Variants in PCDHGA8 observed in about 807,000 individuals in gnomAD.
PCDHGA8 encodes the protein protocadherin gamma subfamily A, 8.
In PCDHGA8, 45 loss-of-function variants were observed where a neutral mutation model predicts 59.2. The ratio of observed to expected loss-of-function variants is 0.76; its 90% CI spans 0.60 to 0.98. PCDHGA8 has a LOEUF of 0.98. Ranked by LOEUF, PCDHGA8 falls within the 50% of genes least tolerant of loss-of-function variation. PCDHGA8 has a pLI of 0.00. For missense variants in PCDHGA8, 1,257 were observed against 1,196.2 expected, an observed-to-expected ratio of 1.05 and a Z score of -0.75; for synonymous variants, 531 against 519.0, an observed-to-expected ratio of 1.02 and a Z score of -0.32.
intron 1 of PCDHGA8, among the ~76,000 whole-genome samples, chr5:141,447,744 T>G (rs1020767891): frequency 3.4e-4 from 51 of 152,206 alleles, no homozygotes; most frequent in African/African-American, 1.2e-3. Context: ...CTTAAGAGTC[T>G]TGCATGTGAC....
At position 141,487,270 on chromosome 5, in the gene PCDHGA8, A is replaced by T. The variant is rs777469322; in HGVS notation, c.2425-7537A>T. 6.2e-7 allele frequency: 1 copy of T among 1,614,046 alleles called. No homozygotes were observed. Among genetic ancestry groups the T allele is most frequent in the South Asian group, 1.1e-5 (1 of 91,076 alleles). On this transcript the variant is annotated intron_variant, in intron 1 of 3. Transcript: ENST00000398604. The surrounding 1 kb of genome is among the most constrained non-coding windows in gnomAD (Gnocchi z 5.0). ...TCTACTTGGCTGTGTCCCTAGTGGC[A>T]ATTTGCTTTGTCTCCTTTGGCTCAT... is the stretch of plus-strand genomic sequence containing the variant.
In PCDHGA8 at chr5:141,422,884, G is replaced by C. The variant is rs202035589; in HGVS notation, c.2424+27647G>C. On this transcript the variant is annotated intron_variant, in intron 1 of 3. Transcript: ENST00000398604. ...CAGCAACGTGTCGCTGAGCCTGTTC[G>C]TGCTGGACCAGAACGACAATGCGCC... The C allele has an allele frequency of 1.7e-4, 278 of 1,614,240 alleles. No homozygotes were observed. The African/African-American group carries it at 2.0e-3, about 12-fold the overall frequency.
Position 141,490,089 on chromosome 5 carries a change from C to G in PCDHGA8, c.2425-4718C>G. On this transcript the variant is annotated intron_variant, in intron 1 of 3. Transcript: ENST00000398604. This position sits in a 1 kb window ranked among gnomAD's most constrained non-coding sequence, Gnocchi z 5.4. ...GCCAACTAGACTATTCTTTTGGAGACCACACATCTGAGGCAGTGCGGAACC... is the reference window on the plus strand; with the variant it reads ...GCCAACTAGACTATTCTTTTGGAGAGCACACATCTGAGGCAGTGCGGAACC... 1 of 1,614,232 alleles carries G rather than the reference C, an allele frequency of 6.2e-7. No homozygotes were observed. The highest frequency in any genetic ancestry group is 8.5e-7 in the Non-Finnish European group (1 of 1,180,026).
Position 141,490,644 on chromosome 5 carries a change from T to G in PCDHGA8, c.2425-4163T>G, listed in dbSNP as rs772742713. 1 of 1,614,188 alleles carries G rather than the reference T, an allele frequency of 6.2e-7. No individual in the cohort carries two copies. Among genetic ancestry groups the G allele is most frequent in the Non-Finnish European group, 8.5e-7 (1 of 1,180,016 alleles). The stretch of plus-strand genomic sequence containing the variant: ...CTGCTTACATCCTAGAAAACCGGCC[T>G]CCGGGCTCCCTTCTTTGCACTGTGG... On this transcript the variant is annotated intron_variant, in intron 1 of 3. Transcript: ENST00000398604. The surrounding 1 kb of genome is among the most constrained non-coding windows in gnomAD (Gnocchi z 5.4).
chr5:141,429,169 TACACACACACACACACACAC>T (rs10667977), intron 1 of PCDHGA8: 4 of 145,394 alleles, frequency 2.8e-5, no homozygotes, highest in Non-Finnish European at 6.0e-5. Flanking sequence ...ACATTGTTTA[TACACACACACACACACACAC>T]ACACACACAC....
intron 1 of PCDHGA8, among the ~76,000 whole-genome samples, chr5:141,492,593 A>T (rs907659087): frequency 1.3e-5 from 2 of 152,100 alleles, no homozygotes; most frequent in African/African-American, 4.8e-5. Context: ...GGAGCGCTGG[A>T]GCGACTGCCG....
intron 3 of PCDHGA8, among the ~76,000 whole-genome samples, chr5:141,509,766 G>A (rs1176830940): frequency 6.6e-6 from 1 of 152,104 alleles, no homozygotes; most frequent in Non-Finnish European, 1.5e-5. Flanking sequence ...TCCCTGAGAT[G>A]TCTAGTCCCC....
intron 1 of PCDHGA8, among the ~76,000 whole-genome samples, chr5:141,453,322 G>A (rs897661534): frequency 6.6e-6 from 1 of 151,544 alleles, no homozygotes; most frequent in Non-Finnish European, 1.5e-5. Flanking sequence ...TTTTAGAGAT[G>A]GGGTCTCACT....
rs987773604 is a variant in PCDHGA8 at position 141,409,588 on chromosome 5, C to G, written c.2424+14351C>G. 5.6e-6 allele frequency: 9 copies of G among 1,613,760 alleles called. 1 individual carries two copies. The highest frequency in any genetic ancestry group is 7.6e-6 in the Non-Finnish European group (9 of 1,179,892). On this transcript the variant is annotated intron_variant, in intron 1 of 3. Transcript: ENST00000398604. ...AGACGTCCTACGTGGTCCACGTGGC[C>G]GAGAACAACCCGCCAGGAGCCTCCA...
At chr5:141,480,414 C>CA (rs10712552) in intron 1 of PCDHGA8, among the ~76,000 whole-genome samples, 44 of 147,474 alleles carry the variant, frequency 3.0e-4, no homozygotes, top group Non-Finnish European at 4.4e-4. Context: ...GACCCTGTCT[C>CA]AAAAAAAAAA....
intron 1 of PCDHGA8, chr5:141,423,740 G>T: frequency 1.4e-6 from 1 of 698,992 alleles, no homozygotes; most frequent in Non-Finnish European, 1.8e-6. Flanking sequence ...AGCCTGTTAT[G>T]AAAACTGTTT....
chr5:141,498,002 C>T (rs1442305270), intron 2 of PCDHGA8, among the ~76,000 whole-genome samples: 2 of 152,178 alleles, frequency 1.3e-5, no homozygotes, highest in East Asian at 1.9e-4. Flanking sequence ...AAGGAGTTTA[C>T]AGTGCACTGA....
At chr5:141,410,425 C>G (rs779212749) in intron 1 of PCDHGA8, 1 of 1,614,030 alleles carries the variant, frequency 6.2e-7, no homozygotes, top group South Asian at 1.1e-5. Flanking sequence ...TAGTTCCCCC[C>G]AACTACAGTG....
At position 141,421,041 on chromosome 5, in the gene PCDHGA8, C is replaced by T. The variant is rs963777669; in HGVS notation, c.2424+25804C>T. The T allele has an allele frequency of 1.8e-5, 10 of 546,514 alleles. No individual in the cohort carries two copies. The African/African-American group carries it at 1.9e-4, about 11-fold the overall frequency. 33.9% of individuals were successfully genotyped at this position (546,514 alleles called of 1,614,324 possible). A position where few individuals can be genotyped will look rare whatever the true frequency, so the allele number is the denominator to read the frequency against. ...CTGCGCGCCATTGAGTCCCTCCCTC[C>T]CCCGCCTCTACCACACAAAGCGGAA... On this transcript the variant is annotated intron_variant, in intron 1 of 3. Coordinates refer to ENST00000398604, the MANE Select transcript of PCDHGA8 (RefSeq NM_032088.2).
rs1023379892 is a variant in PCDHGA8 at position 141,475,927 on chromosome 5, G to T, written c.2425-18880G>T. 1.3e-4 allele frequency: 80 copies of T among 628,362 alleles called. No individual in the cohort carries two copies. In the African/African-American group the frequency reaches 1.4e-3, roughly 11 times the overall value. The allele number at this position is 628,362 out of a possible 1,614,324, so 38.9% of individuals were successfully genotyped here. ...CGGCCAATGAAGACGCTGGAGATCG[G>T]GCCCCTGCCCGTCCCCTTTCTGCGC... On this transcript the variant is annotated intron_variant, in intron 1 of 3. Coordinates refer to ENST00000398604, the MANE Select transcript of PCDHGA8 (RefSeq NM_032088.2).
rs765809429 is a variant in PCDHGA8 at position 141,511,205 on chromosome 5, C to A, written c.*32C>A. On this transcript the variant is annotated 3_prime_UTR_variant, in exon 4 of 4. Coordinates refer to ENST00000398604, the MANE Select transcript of PCDHGA8 (RefSeq NM_032088.2). ...GGCCAGGCCAAGAGCCACAGGGCGGCCTCTCCCCAACCAGCCCAGCTTCTC... is the reference window on the plus strand; with the variant it reads ...GGCCAGGCCAAGAGCCACAGGGCGGACTCTCCCCAACCAGCCCAGCTTCTC... 4.3e-6 allele frequency: 7 copies of A among 1,611,426 alleles called. No homozygotes were observed. The Admixed American group carries it at 6.7e-5, about 15-fold the overall frequency.
chr5:141,436,393 A>G (rs560164691), intron 1 of PCDHGA8, among the ~76,000 whole-genome samples: 2 of 152,342 alleles, frequency 1.3e-5, no homozygotes, highest in South Asian at 4.1e-4. Context: ...GCTTTATTAA[A>G]TAGTTGTTGA....
chr5:141,428,090 G>A (rs1415146154), intron 1 of PCDHGA8: 1 of 1,608,870 alleles, frequency 6.2e-7, no homozygotes, highest in Non-Finnish European at 8.5e-7. Flanking sequence ...ACGCTTGGCT[G>A]TCCTACCACG....
chr5:141,419,870 G>C, intron 1 of PCDHGA8: 1 of 1,614,054 alleles, frequency 6.2e-7, no homozygotes, highest in Non-Finnish European at 8.5e-7. Context: ...CTTGCAAGAG[G>C]TACTGCCGGA....
Sources: gnomAD v4.1 joint callset for allele counts (sites outside exome capture counted in the v4.1 genomes callset) on GRCh38, gnomAD v4.1.1 for gene constraint, Gnocchi (gnomAD v3.1) non-coding constraint, MANE v1.5 for transcripts, NCBI Gene and HGNC (gene_info 2026-07-23, HGNC 2026-07-21) for gene names.